Variants in SIRT1 observed in about 807,000 individuals in gnomAD.
SIRT1 encodes sirtuin 1.
Under a neutral mutation model 67.9 loss-of-function variants are expected in SIRT1, and 24 were observed. That is an observed-to-expected ratio of 0.35 (90% CI 0.26 to 0.50). The LOEUF is 0.50. Ranked by LOEUF, SIRT1 falls within the 20% of genes least tolerant of loss-of-function variation. The probability of loss-of-function intolerance (pLI) is 0.98; values close to 1 mark genes in which losing one functional copy is unlikely to be tolerated. For synonymous variants in SIRT1, 378 were observed against 350.7 expected, an observed-to-expected ratio of 1.08 and a Z score of -0.87; for missense variants, 873 against 937.2, an observed-to-expected ratio of 0.93 and a Z score of 0.89.
chr10:67,903,391 C>CTT (rs11369665), intron 4 of SIRT1, among the ~76,000 whole-genome samples: 106 of 148,254 alleles, frequency 7.1e-4, no homozygotes, highest in African/African-American at 1.0e-3. Flanking sequence ...GCAGATAGTT[C>CTT]TTTTTTTTTT....
At chr10:67,913,618 A>G (rs1207900111) in intron 8 of SIRT1, among the ~76,000 whole-genome samples, 1 of 152,214 alleles carries the variant, frequency 6.6e-6, no homozygotes, top group Non-Finnish European at 1.5e-5. Context: ...GAACATGCAT[A>G]GTCTTTATCA....
intron 4 of SIRT1, among the ~76,000 whole-genome samples, chr10:67,902,177 CAG>C (rs765348851): frequency 3.3e-5 from 5 of 151,982 alleles, no homozygotes; most frequent in Non-Finnish European, 7.4e-5. Flanking sequence ...TTAGTAAAGA[CAG>C]GGTTTCACCA....
At chr10:67,907,764 GAA>G (rs1842843298) in intron 5 of SIRT1, among the ~76,000 whole-genome samples, 1 of 152,090 alleles carries the variant, frequency 6.6e-6, no homozygotes, top group Non-Finnish European at 1.5e-5. Flanking sequence ...CAGTTTTGTT[GAA>G]AAGAGTAGCT....
At chr10:67,891,150 G>A (rs1842566441) in intron 3 of SIRT1, among the ~76,000 whole-genome samples, 1 of 151,922 alleles carries the variant, frequency 6.6e-6, no homozygotes, top group South Asian at 2.1e-4. Flanking sequence ...ATGCTTAAAA[G>A]GCTTAAAATT....
Position 67,891,469 on chromosome 10 carries a change from A to G in SIRT1, c.857A>G (p.Asp286Gly), listed in dbSNP as rs1315055590. The G allele has an allele frequency of 6.2e-7, 1 of 1,614,122 alleles. No individual in the cohort carries two copies. The highest frequency in any genetic ancestry group is 1.3e-5 in the African/African-American group (1 of 75,044). ...RDGIYARLAV[D>G]FPDLPDPQAM... ...GGTATTTATGCTCGCCTTGCTGTAG[A>G]CTTCCCAGATCTTCCAGATCCTCAA... The change falls in exon 4 of 9, where the codon GAC becomes GGC. Residue 286 changes from aspartate (D) to glycine (G), a missense_variant. Physicochemically the swap from Asp to Gly is moderately conservative, Grantham distance 94. Around this residue, in one of 3 missense-constraint regions of SIRT1, gnomAD observed 251 missense variants for 358.8 expected, o/e 0.70. Coordinates refer to ENST00000212015, the MANE Select transcript of SIRT1 (RefSeq NM_012238.5).
At chr10:67,885,744 T>C (rs1185113312) in intron 1 of SIRT1, among the ~76,000 whole-genome samples, 1 of 152,158 alleles carries the variant, frequency 6.6e-6, no homozygotes, top group Non-Finnish European at 1.5e-5. Context: ...CATTCTGTAA[T>C]GCAGTTAGGA....
intron 4 of SIRT1, among the ~76,000 whole-genome samples, chr10:67,900,237 C>T (rs965865968): frequency 6.6e-6 from 1 of 151,860 alleles, no homozygotes; most frequent in Non-Finnish European, 1.5e-5. Context: ...CCTCTGCCTC[C>T]CGGGTTCAAG....
intron 7 of SIRT1, 54 bp downstream of exon 7, chr10:67,909,496 T>C: frequency 6.8e-7 from 1 of 1,465,780 alleles, no homozygotes; most frequent in Non-Finnish European, 9.2e-7. Flanking sequence ...TCATGGGTTG[T>C]GGGTCTGTAT....
intron 4 of SIRT1, among the ~76,000 whole-genome samples, chr10:67,893,515 A>G (rs1191231784): frequency 6.7e-6 from 1 of 150,210 alleles, no homozygotes; most frequent in Non-Finnish European, 1.5e-5. Flanking sequence ...GACTTCTTTA[A>G]TGAATCCAGA....
intron 1 of SIRT1, among the ~76,000 whole-genome samples, chr10:67,887,032 C>T (rs868525693): frequency 6.6e-6 from 1 of 151,956 alleles, no homozygotes; most frequent in Non-Finnish European, 1.5e-5. Flanking sequence ...CCACCATGCC[C>T]GGCTAATTTT....
intron 2 of SIRT1, 87 bp downstream of exon 2, chr10:67,887,620 A>G: frequency 3.5e-6 from 3 of 864,988 alleles, no homozygotes; most frequent in Non-Finnish European, 5.6e-6. Context: ...CTTGTTGCGG[A>G]GGCTGGAGTG....
chr10:67,891,294 A>G, intron 3 of SIRT1, 108 bp from the exon 4 acceptor site: 1 of 902,852 alleles, frequency 1.1e-6, no homozygotes, highest in Non-Finnish European at 1.7e-6. Context: ...GAAGTTTCAG[A>G]CTAAAATTTT....
chr10:67,885,504 T>C, intron 1 of SIRT1: 1 of 835,918 alleles, frequency 1.2e-6, no homozygotes, highest in South Asian at 5.9e-5. Context: ...CTTTATTTTT[T>C]ATTTTCATTG....
chr10:67,904,252 T>C (rs996781747), intron 4 of SIRT1, among the ~76,000 whole-genome samples: 1 of 151,660 alleles, frequency 6.6e-6, no homozygotes, highest in Non-Finnish European at 1.5e-5. Flanking sequence ...CTCAGCCTTC[T>C]GAGTTTCTGG....
chr10:67,905,470 C>G (rs1842807603), intron 4 of SIRT1, among the ~76,000 whole-genome samples: 1 of 152,172 alleles, frequency 6.6e-6, no homozygotes, highest in African/African-American at 2.4e-5. Flanking sequence ...AGGTTTTTAG[C>G]AGCATGTGTA....
chr10:67,907,103 G>T (rs1318385473), intron 5 of SIRT1, among the ~76,000 whole-genome samples, 166 bp downstream of exon 5: 2 of 151,976 alleles, frequency 1.3e-5, no homozygotes, highest in Non-Finnish European at 2.9e-5. Flanking sequence ...AATAAAAACA[G>T]AAGTATTGGC....
At chr10:67,913,222 AAT>A (rs1190245189) in intron 8 of SIRT1, among the ~76,000 whole-genome samples, 191 bp downstream of exon 8, 3 of 152,204 alleles carry the variant, frequency 2.0e-5, no homozygotes, top group African/African-American at 7.2e-5. Context: ...GGAAGTGTTT[AAT>A]AGTGCTCTGT....
At position 67,917,582 on chromosome 10, in the gene SIRT1, G is replaced by C. The variant is rs1055507029; in HGVS notation, c.*989G>C. 1 of 152,558 alleles carries C rather than the reference G, an allele frequency of 6.6e-6. No individual in the cohort carries two copies. Among genetic ancestry groups the C allele is most frequent in the Non-Finnish European group, 1.5e-5 (1 of 68,018 alleles). 9.5% of individuals were successfully genotyped at this position (152,558 alleles called of 1,614,324 possible). On this transcript the variant is annotated 3_prime_UTR_variant, in exon 9 of 9. Coordinates refer to ENST00000212015, the MANE Select transcript of SIRT1 (RefSeq NM_012238.5). ...TTTTGGACTGCTGTTTTCCATTAATGAGGAGAGCAACAGGCCCCTGATTAT... is the reference window on the plus strand; with the variant it reads ...TTTTGGACTGCTGTTTTCCATTAATCAGGAGAGCAACAGGCCCCTGATTAT...
At chr10:67,915,504 T>C (rs2029884448) in intron 8 of SIRT1, among the ~76,000 whole-genome samples, 1 of 152,200 alleles carries the variant, frequency 6.6e-6, no homozygotes, top group Non-Finnish European at 1.5e-5. Context: ...TCTTAGACTG[T>C]ATGTGTATAT....
Sources: allele counts gnomAD v4.1 joint callset (sites outside exome capture counted in the v4.1 genomes callset), GRCh38; gene constraint gnomAD v4.1.1; regional missense constraint gnomAD v4.1.1; transcripts MANE v1.5; gene names NCBI Gene and HGNC (gene_info 2026-07-23, HGNC 2026-07-21).